The following RUVBL1 variants were observed in gnomAD, a reference collection of about 807,000 sequenced individuals.
RUVBL1 encodes ruvB-like 1.
In RUVBL1, 4 loss-of-function variants were observed where a neutral mutation model predicts 52.4. That is an observed-to-expected ratio of 0.08 (90% CI 0.04 to 0.17). RUVBL1 has a LOEUF of 0.17. RUVBL1 is among the 10% of genes least tolerant of loss of function. RUVBL1 has a pLI of 1.00. For missense variants in RUVBL1, 298 were observed against 572.8 expected (o/e 0.52, Z 4.90); for synonymous variants, 217 against 214.4 (o/e 1.01, Z -0.10).
At chr3:128,069,506 G>T (rs1478381898) in intron 9 of RUVBL1, 2 of 1,613,268 alleles carry the variant, frequency 1.2e-6, no homozygotes, top group South Asian at 2.2e-5. Flanking sequence ...CCTTTGGTGG[G>T]CTGTGCATCG....
chr3:128,080,992 TAGAGAGAG>T lies in RUVBL1; in HGVS notation c.*250_*257del, dbSNP rs10574960. The T allele has an allele frequency of 1.2e-4, 48 of 395,910 alleles. No homozygotes were observed. Among genetic ancestry groups the T allele is most frequent in the African/African-American group, 7.9e-4 (39 of 49,640 alleles). The allele number at this position is 395,910 out of a possible 1,614,324, so 24.5% of individuals were successfully genotyped here. Reference sequence around the variant, plus strand: ...CTGAAAAGTTTATTTTTAAAAAACTTAGAGAGAGAGAGAGAGAGAATCAAAATAACCTA... The same window carrying T: ...CTGAAAAGTTTATTTTTAAAAAACTTAGAGAGAGAGAATCAAAATAACCTA... On this transcript the variant is annotated 3_prime_UTR_variant, in exon 11 of 11. Transcript: ENST00000322623.
downstream of RUVBL1, chr3:128,078,598 AG>A (rs1240887503): frequency 1.3e-5 from 2 of 152,228 alleles, no homozygotes; most frequent in African/African-American, 4.8e-5. Flanking sequence ...TCCGATGACC[AG>A]CCCCCACCCT....
intron 1 of RUVBL1, among the ~76,000 whole-genome samples, chr3:128,146,280 G>A (rs931152431): frequency 6.6e-6 from 1 of 152,136 alleles, no homozygotes; most frequent in African/African-American, 2.4e-5. Context: ...GTGTGTGTAT[G>A]TGTGTGTATG....
intron 1 of RUVBL1, among the ~76,000 whole-genome samples, chr3:128,143,450 C>T (rs1944060946): frequency 6.6e-6 from 1 of 152,208 alleles, no homozygotes; most frequent in African/African-American, 2.4e-5. Context: ...GGATTACAGG[C>T]GTGAGCCACA....
At chr3:128,097,562 T>C (rs963104884) in intron 7 of RUVBL1, 64 bp from the exon 8 acceptor site, 4 of 1,432,516 alleles carry the variant, frequency 2.8e-6, no homozygotes, top group Non-Finnish European at 2.9e-6. Context: ...TCGCCTTTTC[T>C]CCTCCACCTG....
At chr3:128,146,541 C>T (rs1310299834) in intron 1 of RUVBL1, among the ~76,000 whole-genome samples, 3 of 146,860 alleles carry the variant, frequency 2.0e-5, no homozygotes, top group South Asian at 4.3e-4. Flanking sequence ...TGTCTCTGTG[C>T]GTGTGCACGG....
exon 1 of RUVBL1, chr3:128,153,872 G>A (rs1045830463): frequency 3.4e-6 from 5 of 1,449,924 alleles, no homozygotes; most frequent in Non-Finnish European, 4.5e-6. Context: ...CGGGCGGAGC[G>A]ACCGGGCCCC....
intron 1 of RUVBL1, among the ~76,000 whole-genome samples, chr3:128,149,185 CTTTCTTTTTTT>C (rs1407043299): frequency 7.2e-6 from 1 of 139,394 alleles, no homozygotes; most frequent in African/African-American, 2.7e-5. Flanking sequence ...CTCTTTCTTT[CTTTCTTTTTTT>C]TTTTTTTTGA....
chr3:128,084,694 C>G (rs1221458737), intron 9 of RUVBL1: 1 of 152,198 alleles, frequency 6.6e-6, no homozygotes, highest in Non-Finnish European at 1.5e-5. Context: ...GATCTTTAAT[C>G]ATTTAATAAC....
chr3:128,119,399 C>A lies in RUVBL1; in HGVS notation c.157G>T (p.Val53Leu). 6.2e-7 allele frequency: 1 copy of A among 1,613,734 alleles called. No homozygotes were observed. Among genetic ancestry groups the A allele is most frequent in the African/African-American group, 1.3e-5 (1 of 75,004 alleles). Residue 53 changes from valine (V) to leucine (L), a missense_variant, in exon 2 of 11, where the codon GTA becomes TTA. This residue lies in a region of RUVBL1 where 71 missense variants were observed against 125.7 expected (regional missense o/e 0.57). Transcript: ENST00000322623. ...ENAREACGVI[V>L]ELIKSKKMAG... ...ATTTTCTTGCTTTTGATTAATTCTA[C>A]TATGACGCCACATGCCTACACACCA...
At chr3:128,069,208 T>C (rs956743539) in intron 9 of RUVBL1, among the ~76,000 whole-genome samples, 36 of 152,260 alleles carry the variant, frequency 2.4e-4, no homozygotes, top group African/African-American at 8.7e-4. Context: ...TGAAATATTT[T>C]ACATCCTTGT....
At chr3:128,129,313 C>T (rs13095660) in intron 1 of RUVBL1, among the ~76,000 whole-genome samples, 21,514 of 152,074 alleles carry the variant, frequency 0.14, 1,732 homozygotes, top group African/African-American at 0.21. Flanking sequence ...AAACAATTAA[C>T]AGGTCAAGAA....
In RUVBL1 at chr3:128,148,223, G is replaced by A. The variant is rs188934219; in HGVS notation, c.-40+4980C>T. ...AGCTCATAGAGCCGTACACCAACAAGGGTGAATTTTACTGTTGCAGTAATC... is the reference window on the plus strand; with the variant it reads ...AGCTCATAGAGCCGTACACCAACAAAGGTGAATTTTACTGTTGCAGTAATC... On this transcript the variant is annotated intron_variant, in intron 1 of 9. Coordinates refer to the RUVBL1 transcript ENST00000464873. 2.6e-5 allele frequency among the ~76,000 whole-genome samples: 4 copies of A among 152,208 alleles called. No homozygotes were observed. The East Asian group carries it at 7.7e-4, about 29-fold the overall frequency.
At chr3:128,124,862 T>C (rs963767212), upstream of RUVBL1, among the ~76,000 whole-genome samples, 1 of 151,988 alleles carries the variant, frequency 6.6e-6, no homozygotes, top group African/African-American at 2.4e-5. Context: ...CAGAAGCAAA[T>C]GGTATGACAC....
In RUVBL1 at chr3:128,142,250, A is replaced by G. The variant is rs138337757; in HGVS notation, c.-40+10953T>C. Among the ~76,000 whole-genome samples, 515 of 152,260 alleles carry G rather than the reference A, an allele frequency of 3.4e-3. 1 individual carries two copies. The highest frequency in any genetic ancestry group is 0.011 in the African/African-American group (476 of 41,548). On this transcript the variant is annotated intron_variant, in intron 1 of 9. Transcript: ENST00000464873. ...CTCCCATGGGTCCTGTCTGGAGCAC[A>G]TGGTAGTGGGGTCAGAGGTCAATCA... is the stretch of plus-strand genomic sequence containing the variant.
chr3:128,121,680 A>G (rs908877057), intron 1 of RUVBL1, among the ~76,000 whole-genome samples: 1 of 142,594 alleles, frequency 7.0e-6, no homozygotes, highest in Non-Finnish European at 1.5e-5. Flanking sequence ...ATTGCACTCC[A>G]GCCTGGGCAA....
intron 1 of RUVBL1, among the ~76,000 whole-genome samples, chr3:128,150,995 A>C (rs1382608324): frequency 9.9e-4 from 77 of 77,422 alleles, no homozygotes; most frequent in Admixed American, 1.6e-3. Flanking sequence ...TATATATATT[A>C]TATATATTAT....
At position 128,073,419 on chromosome 3, in the gene RUVBL1, A is replaced by T. The variant is rs1020262356; in HGVS notation, c.940-8199T>A. On this transcript the variant is annotated intron_variant, in intron 9 of 9. Transcript: ENST00000464873. ...TCAGGAAGGCTGGGATGAGCCTCCC[A>T]TCTCATTTCTGAGGGGTCTGAGCCC... is the stretch of plus-strand genomic sequence containing the variant. Among the ~76,000 whole-genome samples the T allele has an allele frequency of 3.3e-5, 5 of 152,248 alleles. No homozygotes were observed. The East Asian group carries it at 7.8e-4, about 24-fold the overall frequency.
intron 2 of RUVBL1, among the ~76,000 whole-genome samples, chr3:128,117,510 GA>G (rs1376142788): frequency 3.9e-5 from 6 of 152,184 alleles, no homozygotes; most frequent in Non-Finnish European, 8.8e-5. Context: ...GCCCCAGGTT[GA>G]AAACCACTGC....
Sources: allele counts gnomAD v4.1 joint callset (sites outside exome capture counted in the v4.1 genomes callset), GRCh38; gene constraint gnomAD v4.1.1; regional missense constraint gnomAD v4.1.1; transcripts MANE v1.5; gene names NCBI Gene and HGNC (gene_info 2026-07-23, HGNC 2026-07-21).